The following CNTNAP2 variants were observed in gnomAD, a reference collection of about 807,000 sequenced individuals.
CNTNAP2 encodes the protein contactin-associated protein-like 2.
CNTNAP2 carries 98 observed loss-of-function variants against 155.2 expected under a neutral mutation model. That is an observed-to-expected ratio of 0.63 (90% CI 0.54 to 0.75). The LOEUF (loss-of-function observed/expected upper bound fraction) is 0.75. Among genes scored for constraint, CNTNAP2 ranks in the 30% least tolerant of loss-of-function variants. The probability of loss-of-function intolerance (pLI) is 0.00; values close to 1 mark genes in which losing one functional copy is unlikely to be tolerated. For synonymous variants in CNTNAP2, 651 were observed against 631.2 expected (o/e 1.03, Z -0.47); for missense variants, 1,727 against 1,688.1 (o/e 1.02, Z -0.40).
chr7:146,326,996 C>A (rs1289661222), intron 1 of CNTNAP2, among the ~76,000 whole-genome samples: 4 of 152,034 alleles, frequency 2.6e-5, no homozygotes, highest in African/African-American at 9.7e-5. Flanking sequence ...AAAAATGGAA[C>A]TATTGCCCTG....
At chr7:146,951,868 G>C (rs531233575) in intron 3 of CNTNAP2, among the ~76,000 whole-genome samples, 8 of 152,098 alleles carry the variant, frequency 5.3e-5, no homozygotes, top group African/African-American at 1.7e-4. Context: ...CATTTAATCT[G>C]TAAGTTACTT....
intron 1 of CNTNAP2, among the ~76,000 whole-genome samples, chr7:146,721,687 CTA>C (rs72426559): frequency 0.072 from 8,105 of 112,518 alleles, 1,011 homozygotes; most frequent in African/African-American, 0.22. Flanking sequence ...TATATACATT[CTA>C]TATATATATT....
intron 17 of CNTNAP2, among the ~76,000 whole-genome samples, chr7:148,159,039 T>C (rs17483361): frequency 0.024 from 3,623 of 152,260 alleles, 60 homozygotes; most frequent in Middle Eastern, 0.048. Flanking sequence ...GGCCCACTTT[T>C]AGTATTCCGC....
chr7:146,547,697 C>T (rs146994309), intron 1 of CNTNAP2, among the ~76,000 whole-genome samples: 2,151 of 152,004 alleles, frequency 0.014, 61 homozygotes, highest in African/African-American at 0.047. Flanking sequence ...TGTCTGTGTG[C>T]GCTCATCCAT....
chr7:146,550,414 T>TTTGTTTG (rs1563130823), intron 1 of CNTNAP2, among the ~76,000 whole-genome samples: 9 of 124,836 alleles, frequency 7.2e-5, no homozygotes, highest in South Asian at 3.1e-4. Context: ...TTTTTTTTTT[T>TTTGTTTG]TTTTTTTTTT....
chr7:146,819,913 A>T (rs546881223), intron 2 of CNTNAP2, among the ~76,000 whole-genome samples: 25 of 152,302 alleles, frequency 1.6e-4, no homozygotes, highest in African/African-American at 5.8e-4. Flanking sequence ...ACTTCTTGAT[A>T]CATCCACCTC....
chr7:148,413,451 T>C lies in CNTNAP2; in HGVS notation c.3797-1966T>C, dbSNP rs1206567399. Among the ~76,000 whole-genome samples the C allele has an allele frequency of 8.0e-5, 10 of 124,320 alleles. 1 individual carries two copies. Among genetic ancestry groups the C allele is most frequent in the Non-Finnish European group, 1.4e-4 (8 of 59,232 alleles). The allele number at this position is 124,320 out of a possible 152,430, so 81.6% of individuals were successfully genotyped here. ...ATATATATATATATATATATATTGC[T>C]CCATAGTTTTCTTGTAACATTTTTC... On this transcript the variant is annotated intron_variant, in intron 23 of 23. Coordinates refer to ENST00000361727, the MANE Select transcript of CNTNAP2 (RefSeq NM_014141.6).
At chr7:148,262,942 C>T (rs1796590122) in intron 20 of CNTNAP2, 2 of 152,328 alleles carry the variant, frequency 1.3e-5, no homozygotes, top group Admixed American at 1.3e-4. Context: ...AAAGCATCCG[C>T]CGTCAGCTGC....
chr7:147,709,421 T>A (rs1257186182), intron 13 of CNTNAP2, among the ~76,000 whole-genome samples: 6 of 152,216 alleles, frequency 3.9e-5, no homozygotes, highest in African/African-American at 7.2e-5. Flanking sequence ...TTGCACAATG[T>A]CCTTACAGTA....
chr7:146,729,571 G>GTA lies in CNTNAP2; in HGVS notation c.98-44690_98-44689dup, dbSNP rs903485844. Among the ~76,000 whole-genome samples the GTA allele has an allele frequency of 2.2e-4, 34 of 151,310 alleles. No homozygotes were observed. The South Asian group carries it at 3.7e-3, about 17-fold the overall frequency. ...TATAGATGAGTAATTTTAAATATATGTATATATATATTTATTTGTATTTCT... is the reference window on the plus strand; with the variant it reads ...TATAGATGAGTAATTTTAAATATATGTATATATATATATTTATTTGTATTTCT... On this transcript the variant is annotated intron_variant, in intron 1 of 23. Transcript: ENST00000361727.
chr7:148,229,759 G>A lies in CNTNAP2; in HGVS notation c.3361G>A (p.Glu1121Lys), dbSNP rs572154707. Residue 1121 changes from glutamate (E) to lysine (K), a missense_variant, in exon 20 of 24, where the codon GAG becomes AAG. Coordinates refer to ENST00000361727, the MANE Select transcript of CNTNAP2 (RefSeq NM_014141.6). Reference sequence around the variant, plus strand: ...CCACAGTGTCAACATCACCCGCCACGAGAAGACCATCTTTCTCAAGGTATA... The same window carrying A: ...CCACAGTGTCAACATCACCCGCCACAAGAAGACCATCTTTCTCAAGGTATA... The part of the protein sequence containing the change: ...QPHSVNITRH[E>K]KTIFLKLDHY... The A allele has an allele frequency of 3.5e-5, 57 of 1,613,928 alleles. No homozygotes were observed. The highest frequency in any genetic ancestry group is 1.2e-4 in the South Asian group (11 of 91,076).
chr7:147,052,971 G>GTAGTATTC (rs532855866), intron 4 of CNTNAP2, among the ~76,000 whole-genome samples: 62 of 152,184 alleles, frequency 4.1e-4, no homozygotes, highest in African/African-American at 1.4e-3. Flanking sequence ...TTGAGCACAT[G>GTAGTATTC]TAGTATTCTT....
At chr7:146,871,246 A>G (rs1795300136) in intron 3 of CNTNAP2, among the ~76,000 whole-genome samples, 1 of 152,104 alleles carries the variant, frequency 6.6e-6, no homozygotes, top group Non-Finnish European at 1.5e-5. Context: ...CTTAAGAAAT[A>G]AGAGCAGGGT....
At chr7:146,565,748 T>C (rs1394880759) in intron 1 of CNTNAP2, among the ~76,000 whole-genome samples, 1 of 152,262 alleles carries the variant, frequency 6.6e-6, no homozygotes, top group Non-Finnish European at 1.5e-5. Flanking sequence ...GTTCATTTTC[T>C]ATTTAGAATA....
chr7:146,200,940 T>C (rs1798851174), intron 1 of CNTNAP2, among the ~76,000 whole-genome samples: 1 of 152,144 alleles, frequency 6.6e-6, no homozygotes, highest in South Asian at 2.1e-4. Context: ...GAAAAGTTTT[T>C]TGTTTGTTTG....
chr7:146,147,913 T>A (rs1194088513), intron 1 of CNTNAP2, among the ~76,000 whole-genome samples: 2 of 152,156 alleles, frequency 1.3e-5, no homozygotes, highest in Admixed American at 6.6e-5. Flanking sequence ...AAATATGCCC[T>A]GTTGATCAGG....
At chr7:147,902,377 T>C (rs1447216157) in intron 13 of CNTNAP2, among the ~76,000 whole-genome samples, 1 of 151,294 alleles carries the variant, frequency 6.6e-6, no homozygotes, top group African/African-American at 2.4e-5. Context: ...AAGAGCCTTT[T>C]GAAGTATAGA....
At chr7:146,383,633 CA>C (rs1477058569) in intron 1 of CNTNAP2, among the ~76,000 whole-genome samples, 2 of 152,164 alleles carry the variant, frequency 1.3e-5, no homozygotes. Flanking sequence ...TACACTTACA[CA>C]TTTCCCACTG....
intron 12 of CNTNAP2, among the ~76,000 whole-genome samples, chr7:147,608,461 T>C (rs1801116071): frequency 6.6e-6 from 1 of 152,030 alleles, no homozygotes; most frequent in Non-Finnish European, 1.5e-5. Flanking sequence ...TACATTTTAT[T>C]ATTTATTTTA....
Sources: allele counts gnomAD v4.1 joint callset (sites outside exome capture counted in the v4.1 genomes callset), GRCh38; gene constraint gnomAD v4.1.1; transcripts MANE v1.5; gene names NCBI Gene and HGNC (gene_info 2026-07-23, HGNC 2026-07-21).